Variants in IL27 observed in about 807,000 individuals in gnomAD.
IL27 encodes interleukin-27 subunit alpha.
A neutral mutation model predicts 27.0 loss-of-function variants in IL27; 11 were observed. That is an observed-to-expected ratio of 0.41 (90% CI 0.26 to 0.67). The LOEUF is 0.67. IL27 is among the 30% of genes least tolerant of loss of function. The pLI, the probability that IL27 is intolerant of heterozygous loss-of-function variation, is 0.34. For missense variants in IL27, 299 were observed against 310.4 expected, an observed-to-expected ratio of 0.96 and a Z score of 0.28; for synonymous variants, 134 against 140.6, an observed-to-expected ratio of 0.95 and a Z score of 0.33.
At chr16:28,506,458 G>A (rs1434044809) in intron 1 of IL27, among the ~76,000 whole-genome samples, 1 of 152,202 alleles carries the variant, frequency 6.6e-6, no homozygotes, top group Admixed American at 6.6e-5. Flanking sequence ...TAGCCAAGCT[G>A]TTTGGCTTCT....
intron 3 of IL27, among the ~76,000 whole-genome samples, chr16:28,502,460 A>G (rs1049935743): frequency 6.6e-6 from 1 of 151,220 alleles, no homozygotes; most frequent in African/African-American, 2.4e-5. Context: ...CCTCCTGCCC[A>G]TGTGTTTCCA....
At position 28,504,025 on chromosome 16, in the gene IL27, C is replaced by T. The variant is rs1567271317; in HGVS notation, c.57G>A (p.Leu19=). The T allele has an allele frequency of 1.9e-6, 3 of 1,609,376 alleles. No homozygotes were observed. The highest frequency in any genetic ancestry group is 1.1e-5 in the South Asian group (1 of 90,490). The change falls in exon 2 of 5, where the codon TTG becomes TTA. Residue 19 remains leucine, a synonymous_variant. Transcript: ENST00000356897. ...CCCAGACACCAGCTTGAACCAGGAGCAAGGGAAGCAGCAACAGGCTGAGCC... is the reference window on the plus strand; with the variant it reads ...CCCAGACACCAGCTTGAACCAGGAGTAAGGGAAGCAGCAACAGGCTGAGCC... ...GWRLSLLLLP[L]LLVQAGVWGF... is the part of the protein sequence containing the mutation.
intron 1 of IL27, among the ~76,000 whole-genome samples, chr16:28,504,997 G>A (rs1197601876): frequency 6.6e-6 from 1 of 152,262 alleles, no homozygotes; most frequent in Non-Finnish European, 1.5e-5. Flanking sequence ...ATTTGCAGGT[G>A]AGGCTCAGTG....
In IL27 at chr16:28,499,894, C is replaced by A. The variant is rs555159508; in HGVS notation, c.489G>T (p.Pro163=). 1 of 1,550,528 alleles carries A rather than the reference C, an allele frequency of 6.4e-7. No individual in the cohort carries two copies. Among genetic ancestry groups the A allele is most frequent in the Admixed American group, 2.0e-5 (1 of 50,958 alleles). ...CCTCCTCTTCCTCCTCCTCCTCCTC[C>A]GGGAGGTTGAATCCTGCAGCCAGCA... ...FQVLAAGFNL[P]EEEEEEEEEE... The change falls in exon 5 of 5, where the codon CCG becomes CCT. Residue 163 remains proline (P), a synonymous_variant. Coordinates refer to ENST00000356897, the MANE Select transcript of IL27 (RefSeq NM_145659.3).
At chr16:28,505,464 G>T (rs1190486484) in intron 1 of IL27, among the ~76,000 whole-genome samples, 2 of 152,104 alleles carry the variant, frequency 1.3e-5, no homozygotes, top group African/African-American at 4.8e-5. Flanking sequence ...AGCCTCCTGA[G>T]TAGCCACCAC....
At chr16:28,505,711 C>G (rs773094925) in intron 1 of IL27, among the ~76,000 whole-genome samples, 3 of 152,146 alleles carry the variant, frequency 2.0e-5, no homozygotes, top group Non-Finnish European at 4.4e-5. Context: ...CAGCATTCAT[C>G]AATTTCCCCC....
intron 4 of IL27, 25 bp from the exon 5 acceptor site, chr16:28,499,945 G>T: frequency 6.6e-7 from 1 of 1,523,020 alleles, no homozygotes; most frequent in East Asian, 2.5e-5. Context: ...CATGGGTCAG[G>T]GAGGGGCCAG....
intron 4 of IL27, 129 bp downstream of exon 4, chr16:28,501,847 A>G (rs554634793): frequency 9.0e-6 from 10 of 1,115,688 alleles, no homozygotes; most frequent in Non-Finnish European, 1.2e-5. Flanking sequence ...ATGAACCCAC[A>G]CACTCATGGA....
intron 3 of IL27, 94 bp from the exon 4 acceptor site, chr16:28,502,228 A>C (rs1213735729): frequency 8.3e-7 from 1 of 1,203,466 alleles, no homozygotes; most frequent in African/African-American, 1.6e-5. Context: ...TTCCCATTCC[A>C]CGCTCCAGCC....
At position 28,499,683 on chromosome 16, in the gene IL27, AG is replaced by A. The variant is rs780143882; in HGVS notation, c.699del (p.Leu234TrpfsTer6). 9.3e-6 allele frequency: 15 copies of A among 1,613,082 alleles called. No homozygotes were observed. The highest frequency in any genetic ancestry group is 1.2e-5 in the Non-Finnish European group (14 of 1,179,720). ...LLSKAGHSVW[P>X]LGFPTLSPQP is the part of the protein sequence containing the mutation. ...TGGGGGCTCAATGTTGGGAACCCCAAGGGCCAGACTGAGTGCCCAGCCTTGG... is the reference window on the plus strand; with the variant it reads ...TGGGGGCTCAATGTTGGGAACCCCAAGGCCAGACTGAGTGCCCAGCCTTGG... On this transcript the variant is annotated frameshift_variant, in exon 5 of 5. Transcript: ENST00000356897. LOFTEE classifies it high-confidence loss of function.
At chr16:28,504,612 T>C (rs1484419204) in intron 1 of IL27, among the ~76,000 whole-genome samples, 6 of 150,484 alleles carry the variant, frequency 4.0e-5, no homozygotes, top group Non-Finnish European at 5.9e-5. Flanking sequence ...TGAAACAGAG[T>C]TCTGTTCTAT....
rs1185120468 is a variant in IL27, at chr16:28,499,417, A to G, written c.*234T>C. The G allele has an allele frequency of 4.0e-6, 2 of 505,924 alleles. No individual in the cohort carries two copies. Among genetic ancestry groups the G allele is most frequent in the South Asian group, 3.0e-5 (1 of 33,102 alleles). 31.3% of individuals were successfully genotyped at this position (505,924 alleles called of 1,614,324 possible). On this transcript the variant is annotated 3_prime_UTR_variant, in exon 5 of 5. Coordinates refer to ENST00000356897, the MANE Select transcript of IL27 (RefSeq NM_145659.3). The stretch of plus-strand genomic sequence containing the variant: ...ATGGGGGCTTGGCCCGAGGAGGACC[A>G]TCGGGCCCCAAGACAATAAATAAAC...
At chr16:28,506,359 C>T (rs1223785623) in intron 1 of IL27, among the ~76,000 whole-genome samples, 1 of 152,180 alleles carries the variant, frequency 6.6e-6, no homozygotes, top group Non-Finnish European at 1.5e-5. Context: ...ACCTTTGACC[C>T]AGTGAGGCTG....
chr16:28,501,161 C>T (rs2046426657), intron 4 of IL27, among the ~76,000 whole-genome samples: 1 of 151,902 alleles, frequency 6.6e-6, no homozygotes, highest in South Asian at 2.1e-4. Flanking sequence ...TGCACTCCAG[C>T]CTGGGCGACA....
chr16:28,504,018 C>T lies in IL27; in HGVS notation c.64G>A (p.Val22Ile). ...LSLLLLPLLL[V>I]QAGVWGFPRP... The stretch of plus-strand genomic sequence containing the variant: ...GGGAATCCCCAGACACCAGCTTGAA[C>T]CAGGAGCAAGGGAAGCAGCAACAGG... The change falls in exon 2 of 5, where the codon GTT becomes ATT. Residue 22 changes from valine (V) to isoleucine (I), a missense_variant. Physicochemically the swap from Val to Ile is conservative, Grantham distance 29. Coordinates refer to ENST00000356897, the MANE Select transcript of IL27 (RefSeq NM_145659.3). The T allele has an allele frequency of 6.2e-7, 1 of 1,611,316 alleles. No individual in the cohort carries two copies. Among genetic ancestry groups the T allele is most frequent in the Non-Finnish European group, 8.5e-7 (1 of 1,178,440 alleles).
At chr16:28,501,646 G>A (rs1471690407) in intron 4 of IL27, among the ~76,000 whole-genome samples, 1 of 111,648 alleles carries the variant, frequency 9.0e-6, no homozygotes, top group East Asian at 2.6e-4. Context: ...CACACTCACG[G>A]ACCCACACCC....
rs757071258 is a variant in IL27 at position 28,506,789 on chromosome 16, A to G, written c.23T>C (p.Leu8Pro). 6.2e-7 allele frequency: 1 copy of G among 1,611,826 alleles called. No individual in the cohort carries two copies. Among genetic ancestry groups the G allele is most frequent in the South Asian group, 1.1e-5 (1 of 90,710 alleles). MGQTAGDLGWRLSLLLLP... is the reference protein window; with the variant it reads MGQTAGDPGWRLSLLLLP... ...CCTGGCTTCAAACTCACGCCAGCCA[A>G]GGTCGCCTGCCGTCTGGCCCATGGC... The change falls in exon 1 of 5, where the codon CTT (leucine) becomes CCT (proline). Residue 8 changes from leucine to proline, a missense_variant. Coordinates refer to ENST00000356897, the MANE Select transcript of IL27 (RefSeq NM_145659.3).
At chr16:28,505,758 C>T (rs1331466594) in intron 1 of IL27, among the ~76,000 whole-genome samples, 1 of 152,186 alleles carries the variant, frequency 6.6e-6, no homozygotes, top group Admixed American at 6.5e-5. Flanking sequence ...AAGAGTTACA[C>T]AATTCTCCTC....
At chr16:28,500,826 C>T (rs1829678108) in intron 4 of IL27, among the ~76,000 whole-genome samples, 1 of 152,156 alleles carries the variant, frequency 6.6e-6, no homozygotes, top group Non-Finnish European at 1.5e-5. Context: ...GTGTGTGCGC[C>T]TGCACACACG....
Sources: gnomAD v4.1 joint callset for allele counts (sites outside exome capture counted in the v4.1 genomes callset) on GRCh38, gnomAD v4.1.1 for gene constraint, MANE v1.5 for transcripts, NCBI Gene and HGNC (gene_info 2026-07-23, HGNC 2026-07-21) for gene names.